Variants in TENM3 observed in about 807,000 individuals in gnomAD.
TENM3 encodes teneurin-3.
A neutral mutation model predicts 255.1 loss-of-function variants in TENM3; 63 were observed. That is an observed-to-expected ratio of 0.25 (90% CI 0.20 to 0.30). TENM3 has a LOEUF of 0.30. TENM3 is among the 10% of genes least tolerant of loss of function. TENM3 has a pLI of 1.00. For missense variants in TENM3, 2,929 were observed against 3,461.1 expected, an observed-to-expected ratio of 0.85 and a Z score of 3.86; for synonymous variants, 1,306 against 1,322.3, an observed-to-expected ratio of 0.99 and a Z score of 0.27.
In TENM3 at chr4:182,802,960, A is replaced by G. The variant is rs2152844326; in HGVS notation, c.*2609A>G. ...CCTTCTTAACTTTATATGTGACCTGAATTTTCCATAACTTGATGACTATAG... is the reference window on the plus strand; with the variant it reads ...CCTTCTTAACTTTATATGTGACCTGGATTTTCCATAACTTGATGACTATAG... On this transcript the variant is annotated 3_prime_UTR_variant, in exon 28 of 28. Coordinates refer to ENST00000511685, the MANE Select transcript of TENM3 (RefSeq NM_001080477.4). 6.5e-6 allele frequency: 1 copy of G among 152,738 alleles called. No individual in the cohort carries two copies. Among genetic ancestry groups the G allele is most frequent in the Non-Finnish European group, 1.5e-5 (1 of 68,036 alleles). The allele number at this position is 152,738 out of a possible 1,614,324, so 9.5% of individuals were successfully genotyped here.
At chr4:182,087,037 T>G in the TENM3 span, among the ~76,000 whole-genome samples, 1 of 152,184 alleles carries the variant, frequency 6.6e-6, no homozygotes, top group African/African-American at 2.4e-5. Flanking sequence ...ATAATGACAT[T>G]GTTTCGATCA....
chr4:182,508,274 A>G (rs1307298658), intron 3 of TENM3, among the ~76,000 whole-genome samples: 1 of 152,160 alleles, frequency 6.6e-6, no homozygotes, highest in Non-Finnish European at 1.5e-5. Flanking sequence ...TCTCAGTTAT[A>G]AATATTGTGT....
rs370933260 is a variant in TENM3 at position 182,714,210 on chromosome 4, C to T, written c.2345C>T (p.Thr782Ile). Residue 782 changes from threonine to isoleucine, a missense_variant, in exon 13 of 28, where the codon ACA (threonine) becomes ATA (isoleucine). Physicochemically the swap from Thr to Ile is moderately conservative, Grantham distance 89. Around this residue, in one of 6 missense-constraint regions of TENM3, gnomAD observed 1,608 missense variants for 1,884.4 expected, o/e 0.85. Coordinates refer to ENST00000511685, the MANE Select transcript of TENM3 (RefSeq NM_001080477.4). Reference sequence around the variant, plus strand: ...GACGTAGCCATGGAGACTCTTTGCACAGATAGCAAGGACAATGAAGGAGGT... The same window carrying T: ...GACGTAGCCATGGAGACTCTTTGCATAGATAGCAAGGACAATGAAGGAGGT... ...GCDVAMETLCTDSKDNEGDGL... is the reference protein window; with the variant it reads ...GCDVAMETLCIDSKDNEGDGL... The T allele has an allele frequency of 1.2e-6, 2 of 1,605,686 alleles. No homozygotes were observed. The highest frequency in any genetic ancestry group is 1.7e-6 in the Non-Finnish European group (2 of 1,177,318).
chr4:182,417,199 A>G (rs1247085003), intron 3 of TENM3, among the ~76,000 whole-genome samples: 1 of 151,674 alleles, frequency 6.6e-6, no homozygotes, highest in Non-Finnish European at 1.5e-5. Flanking sequence ...GATGGTCTCG[A>G]TCTCCTGACC....
chr4:182,472,561 A>C (rs746728375), intron 3 of TENM3, among the ~76,000 whole-genome samples: 10 of 152,168 alleles, frequency 6.6e-5, no homozygotes, highest in Non-Finnish European at 1.2e-4. Context: ...GTGATCTTCA[A>C]ACTTTTTGCT....
intron 1 of TENM3, among the ~76,000 whole-genome samples, chr4:182,206,559 T>G (rs1262094394): frequency 6.6e-6 from 1 of 152,214 alleles, no homozygotes; most frequent in Non-Finnish European, 1.5e-5. Flanking sequence ...GCTTTCTTTA[T>G]GGAGATGTCA....
chr4:182,157,359 C>T (rs1354138511), intron 1 of TENM3, among the ~76,000 whole-genome samples: 1 of 152,174 alleles, frequency 6.6e-6, no homozygotes. Context: ...TGTGGAATAA[C>T]TTGGCAAAAT....
the TENM3 span, among the ~76,000 whole-genome samples, chr4:181,474,740 A>AAC: frequency 5.5e-4 from 9 of 16,414 alleles, no homozygotes; most frequent in African/African-American, 1.1e-3. Context: ...GTCTCAAAAC[A>AAC]AAAAAAAAAA....
At chr4:181,867,276 T>A in the TENM3 span, among the ~76,000 whole-genome samples, 1 of 152,030 alleles carries the variant, frequency 6.6e-6, no homozygotes, top group Non-Finnish European at 1.5e-5. Flanking sequence ...CCCTCCTATT[T>A]CCATTATATT....
At chr4:182,600,713 CT>C (rs1190820974) in intron 3 of TENM3, among the ~76,000 whole-genome samples, 1 of 151,828 alleles carries the variant, frequency 6.6e-6, no homozygotes, top group East Asian at 1.9e-4. Context: ...TTAATTAGAA[CT>C]TTGTGTATCA....
At chr4:182,535,958 A>T (rs777748314) in intron 3 of TENM3, among the ~76,000 whole-genome samples, 106 of 152,080 alleles carry the variant, frequency 7.0e-4, no homozygotes, top group Middle Eastern at 3.4e-3. Flanking sequence ...CACATTTTTT[A>T]TTTTATTTTA....
chr4:181,911,689 C>T, the TENM3 span, among the ~76,000 whole-genome samples: 5 of 152,190 alleles, frequency 3.3e-5, no homozygotes, highest in South Asian at 4.2e-4. Flanking sequence ...ACATAAAAAT[C>T]CACATGACAC....
intron 1 of TENM3, among the ~76,000 whole-genome samples, chr4:182,189,064 G>T (rs1386131264): frequency 6.6e-6 from 1 of 151,942 alleles, no homozygotes; most frequent in African/African-American, 2.4e-5. Flanking sequence ...GGAAATTTTT[G>T]TAATATTAAA....
intron 3 of TENM3, among the ~76,000 whole-genome samples, chr4:182,578,719 T>A (rs1358587925): frequency 6.6e-6 from 1 of 152,194 alleles, no homozygotes; most frequent in Non-Finnish European, 1.5e-5. Flanking sequence ...AATAAATTTC[T>A]TCCCAGGAAC....
chr4:182,757,420 A>G (rs887488809), intron 22 of TENM3, among the ~76,000 whole-genome samples: 18 of 151,156 alleles, frequency 1.2e-4, no homozygotes, highest in African/African-American at 4.4e-4. Flanking sequence ...AGTTTTTAGT[A>G]TAGTCTGGTA....
At chr4:182,729,585 A>T (rs1760516138) in intron 14 of TENM3, among the ~76,000 whole-genome samples, 2 of 152,158 alleles carry the variant, frequency 1.3e-5, no homozygotes, top group Admixed American at 1.3e-4. Context: ...ACGGCATGGC[A>T]GTAAGATTGC....
intron 1 of TENM3, among the ~76,000 whole-genome samples, chr4:182,252,184 A>G (rs1758059492): frequency 1.5e-5 from 2 of 136,520 alleles, no homozygotes; most frequent in South Asian, 4.3e-4. Flanking sequence ...CTCCATCTCA[A>G]AAAAAAAAAA....
At chr4:182,204,711 T>A (rs1754432944) in intron 1 of TENM3, among the ~76,000 whole-genome samples, 1 of 152,190 alleles carries the variant, frequency 6.6e-6, no homozygotes, top group Admixed American at 6.5e-5. Flanking sequence ...CCTGATAGCC[T>A]TTTCCTGTGA....
intron 3 of TENM3, among the ~76,000 whole-genome samples, chr4:182,422,376 C>T (rs1770902125): frequency 6.6e-6 from 1 of 152,156 alleles, no homozygotes. Flanking sequence ...TTGTTTTGAC[C>T]TGTTGTCACA....
Sources: gnomAD v4.1 joint callset for allele counts (sites outside exome capture counted in the v4.1 genomes callset) on GRCh38, gnomAD v4.1.1 for gene constraint, gnomAD v4.1.1 regional missense constraint, MANE v1.5 for transcripts, NCBI Gene and HGNC (gene_info 2026-07-23, HGNC 2026-07-21) for gene names.